The following ADAM11 variants were observed in gnomAD, a reference collection of about 807,000 sequenced individuals.
The protein encoded by ADAM11 is ADAM metallopeptidase domain 11, also known as disintegrin and metalloproteinase domain-containing protein 11.
In ADAM11, 49 loss-of-function variants were observed where a neutral mutation model predicts 119.1. The observed-to-expected ratio is 0.41, with a 90% CI of 0.33 to 0.52. The LOEUF (loss-of-function observed/expected upper bound fraction) is 0.52, where lower values mean the gene tolerates loss of function less well. ADAM11 is among the 20% of genes least tolerant of loss of function. The pLI, the probability that ADAM11 is intolerant of heterozygous loss-of-function variation, is 0.20. For missense variants in ADAM11, 777 were observed against 1,047.5 expected (o/e 0.74, Z 3.56); for synonymous variants, 364 against 408.0 (o/e 0.89, Z 1.30).
chr17:44,777,784 A>G lies in ADAM11; in HGVS notation c.1991A>G (p.His664Arg), dbSNP rs1265724576. The change falls in exon 23 of 27, where the codon CAT becomes CGT. Residue 664 changes from histidine to arginine, a missense_variant. Around this residue, in one of 4 missense-constraint regions of ADAM11, gnomAD observed 348 missense variants for 486.7 expected, o/e 0.72. Coordinates refer to ENST00000200557, the MANE Select transcript of ADAM11 (RefSeq NM_002390.6). The surrounding 1 kb of genome is among the most constrained non-coding windows in gnomAD (Gnocchi z 5.1). ...ACGPNMLCLD[H>R]RCLPASAFNF... ...GGGCCTAACATGTTGTGCCTGGACCATCGCTGCCTGCCAGCTTCTGCCTTC... is the reference window on the plus strand; with the variant it reads ...GGGCCTAACATGTTGTGCCTGGACCGTCGCTGCCTGCCAGCTTCTGCCTTC... 4.3e-6 allele frequency: 7 copies of G among 1,613,866 alleles called. No individual in the cohort carries two copies. The highest frequency in any genetic ancestry group is 5.9e-6 in the Non-Finnish European group (7 of 1,179,988).
chr17:44,778,235 G>A lies in ADAM11; in HGVS notation c.2269G>A (p.Gly757Arg). The A allele has an allele frequency of 1.2e-6, 2 of 1,612,626 alleles. No homozygotes were observed. The highest frequency in any genetic ancestry group is 8.5e-7 in the Non-Finnish European group (1 of 1,179,400). ...AAIVLGGTGWGFKNIRRGRSG... is the reference protein window; with the variant it reads ...AAIVLGGTGWRFKNIRRGRSG... ...CATCGTCCTGGGCGGCACGGGCTGG[G>A]GATTTAAGTAAGAGACACACACACC... is the stretch of plus-strand genomic sequence containing the variant. Residue 757 changes from glycine (G) to arginine (R), a missense_variant, in exon 25 of 27, where the codon GGA (glycine) becomes AGA (arginine). Gly to Arg is a moderately radical substitution (Grantham distance 125). Coordinates refer to ENST00000200557, the MANE Select transcript of ADAM11 (RefSeq NM_002390.6).
chr17:44,773,547 G>A lies in ADAM11; in HGVS notation c.992+120G>A. The A allele has an allele frequency of 2.4e-6, 3 of 1,253,530 alleles. No homozygotes were observed. The highest frequency in any genetic ancestry group is 2.2e-6 in the Non-Finnish European group (2 of 924,290). 77.7% of individuals were successfully genotyped at this position (1,253,530 alleles called of 1,614,324 possible). On this transcript the variant is annotated intron_variant, in intron 11 of 26. Coordinates refer to ENST00000200557, the MANE Select transcript of ADAM11 (RefSeq NM_002390.6). This position sits in a 1 kb window ranked among gnomAD's most constrained non-coding sequence, Gnocchi z 4.6. ...AGAGTCTGGGGACTGGGCTCACCTT[G>A]CACCTGCCACCTACCCCCAGCCACA...
Position 44,775,505 on chromosome 17 carries a change from C to T in ADAM11, c.1392+40C>T. Reference sequence around the variant, plus strand: ...GGGCGCCAGGTGGGGAACCGGGATGCGGGGGTGGGCACGAGGGAGCGTCTG... The same window carrying T: ...GGGCGCCAGGTGGGGAACCGGGATGTGGGGGTGGGCACGAGGGAGCGTCTG... On this transcript the variant is annotated intron_variant, in intron 16 of 26. Coordinates refer to ENST00000200557, the MANE Select transcript of ADAM11 (RefSeq NM_002390.6). This position sits in a 1 kb window ranked among gnomAD's most constrained non-coding sequence, Gnocchi z 7.5. 6.3e-7 allele frequency: 1 copy of T among 1,586,610 alleles called. No individual in the cohort carries two copies.
chr17:44,774,940 G>T (rs1187559026), intron 14 of ADAM11, among the ~76,000 whole-genome samples, 191 bp downstream of exon 14: 2 of 152,236 alleles, frequency 1.3e-5, no homozygotes, highest in South Asian at 2.1e-4. Flanking sequence ...ACCAAAACCG[G>T]CCAGGCTGCA....
intron 2 of ADAM11, among the ~76,000 whole-genome samples, chr17:44,760,661 G>T (rs571616421): frequency 6.6e-6 from 1 of 152,338 alleles, no homozygotes; most frequent in East Asian, 1.9e-4. Flanking sequence ...AGGTTGGCTG[G>T]CAAAGGCCCG....
At chr17:44,771,447 C>A in intron 4 of ADAM11, 137 bp from the exon 5 acceptor site, 1 of 880,884 alleles carries the variant, frequency 1.1e-6, no homozygotes, top group South Asian at 1.6e-5. Flanking sequence ...TAGAAACAGG[C>A]TCCAGAGCCC....
At chr17:44,763,261 G>T (rs2049410300) in intron 2 of ADAM11, among the ~76,000 whole-genome samples, 2 of 152,212 alleles carry the variant, frequency 1.3e-5, no homozygotes, top group Non-Finnish European at 2.9e-5. Flanking sequence ...CAGAGGTGGG[G>T]CTGTTATTCC....
chr17:44,777,451 T>A lies in ADAM11; in HGVS notation c.1782-31T>A. ...CAGTAGTTGAGTCTGAGGTCAAACT[T>A]GGGGCTCACTGTCTCTATATGCCCC... On this transcript the variant is annotated intron_variant, in intron 21 of 26. Transcript: ENST00000200557. The surrounding 1 kb of genome is among the most constrained non-coding windows in gnomAD (Gnocchi z 5.1). 6.2e-7 allele frequency: 1 copy of A among 1,610,226 alleles called. No individual in the cohort carries two copies. Among genetic ancestry groups the A allele is most frequent in the South Asian group, 1.1e-5 (1 of 90,958 alleles).
At chr17:44,764,775 C>T (rs2049427600) in intron 2 of ADAM11, among the ~76,000 whole-genome samples, 1 of 152,122 alleles carries the variant, frequency 6.6e-6, no homozygotes, top group Non-Finnish European at 1.5e-5. Flanking sequence ...GCTGCGAGGA[C>T]TTGAGATGAT....
rs2049599897 is a variant in ADAM11 at position 44,776,229 on chromosome 17, T to C, written c.1566+22T>C. 6.2e-7 allele frequency: 1 copy of C among 1,612,364 alleles called. No individual in the cohort carries two copies. The highest frequency in any genetic ancestry group is 1.7e-5 in the Admixed American group (1 of 59,840). ...CCAGGTCCGCCCGGCCCCGCCGTCT[T>C]GTGGAGCCCTGGGCGAGGCAACCCC... On this transcript the variant is annotated intron_variant, in intron 18 of 26. Coordinates refer to ENST00000200557, the MANE Select transcript of ADAM11 (RefSeq NM_002390.6). This position sits in a 1 kb window ranked among gnomAD's most constrained non-coding sequence, Gnocchi z 5.2.
intron 11 of ADAM11, 53 bp from the exon 12 acceptor site, chr17:44,774,241 CG>C: frequency 8.1e-7 from 1 of 1,240,676 alleles, no homozygotes; most frequent in Non-Finnish European, 1.1e-6. Context: ...CACCACCACC[CG>C]GGGAGCCACA....
At position 44,780,372 on chromosome 17, in the gene ADAM11, C is replaced by T. The variant is rs1567697561; in HGVS notation, c.*618C>T. The T allele has an allele frequency of 8.8e-6, 3 of 339,490 alleles. No homozygotes were observed. Among genetic ancestry groups the T allele is most frequent in the Non-Finnish European group, 1.1e-5 (2 of 176,398 alleles). The allele number at this position is 339,490 out of a possible 1,614,324, so 21.0% of individuals were successfully genotyped here. A position where few individuals can be genotyped will look rare whatever the true frequency, so the allele number is the denominator to read the frequency against. ...CTGAGCACAGTCAGGGGCTGGGCAT[C>T]CCAGCTTGCCCCCGCTTAGCCCCGC... is the stretch of plus-strand genomic sequence containing the variant. On this transcript the variant is annotated 3_prime_UTR_variant, in exon 27 of 27. Transcript: ENST00000200557.
rs1186403850 is a variant in ADAM11, at chr17:44,777,371, G to A, written c.1781+106G>A. ...CAGGAGGAGCCTGTCAGTCCCAATG[G>A]GCGGGCACGTGGCAAATGAGGTGGC... On this transcript the variant is annotated intron_variant, in intron 21 of 26. Transcript: ENST00000200557. The surrounding 1 kb of genome is among the most constrained non-coding windows in gnomAD (Gnocchi z 5.1). The A allele has an allele frequency of 2.6e-6, 4 of 1,522,786 alleles. No individual in the cohort carries two copies. The highest frequency in any genetic ancestry group is 3.6e-6 in the Non-Finnish European group (4 of 1,108,128). 94.3% of individuals were successfully genotyped at this position (1,522,786 alleles called of 1,614,324 possible).
At chr17:44,770,491 C>A (rs1327576511) in intron 4 of ADAM11, among the ~76,000 whole-genome samples, 8 of 44,784 alleles carry the variant, frequency 1.8e-4, no homozygotes, top group African/African-American at 7.9e-4. Flanking sequence ...GCCTGTCTCC[C>A]CCCCCCCCGC....
At chr17:44,774,424 G>A in intron 12 of ADAM11, 45 bp downstream of exon 12, 1 of 1,566,950 alleles carries the variant, frequency 6.4e-7, no homozygotes, top group East Asian at 2.4e-5. Context: ...TGAGGGAAAG[G>A]GGCTTCAGGG....
chr17:44,779,375 C>G, intron 26 of ADAM11, 136 bp downstream of exon 26: 1 of 1,459,208 alleles, frequency 6.9e-7, no homozygotes, highest in Non-Finnish European at 9.0e-7. Flanking sequence ...CCCCTGCTGC[C>G]AGGCTGTCCC....
rs73984069 is a variant in ADAM11, at chr17:44,773,165, C to T, written c.825+80C>T. 9.9e-5 allele frequency: 158 copies of T among 1,597,652 alleles called. No homozygotes were observed. The African/African-American group carries it at 1.6e-3, about 16-fold the overall frequency. On this transcript the variant is annotated intron_variant, in intron 10 of 26. Transcript: ENST00000200557. The surrounding 1 kb of genome is among the most constrained non-coding windows in gnomAD (Gnocchi z 4.6). ...CACACATTAGGGGGCACTGTCAGCCCCTGGCTCCCACTTCCTGGAGAGAAC... is the reference window on the plus strand; with the variant it reads ...CACACATTAGGGGGCACTGTCAGCCTCTGGCTCCCACTTCCTGGAGAGAAC...
chr17:44,768,957 T>TG (rs2049484334), intron 2 of ADAM11, among the ~76,000 whole-genome samples: 2 of 152,166 alleles, frequency 1.3e-5, no homozygotes, highest in Admixed American at 1.3e-4. Flanking sequence ...CGCCCAGGCC[T>TG]GGGGGGCCGC....
rs2049671695 is a variant in ADAM11 at position 44,780,082 on chromosome 17, GCAGC to G, written c.*331_*334del. 3.1e-6 allele frequency: 2 copies of G among 654,408 alleles called. No individual in the cohort carries two copies. The highest frequency in any genetic ancestry group is 5.7e-6 in the Non-Finnish European group (2 of 353,364). The allele number at this position is 654,408 out of a possible 1,614,324, so 40.5% of individuals were successfully genotyped here. A position where few individuals can be genotyped will look rare whatever the true frequency, so the allele number is the denominator to read the frequency against. ...GGGGCGCCTGGAGGGATGCCCCCAG[GCAGC>G]CACCAGTGGACCTAGCCTGGATGGC... On this transcript the variant is annotated 3_prime_UTR_variant, in exon 27 of 27. Transcript: ENST00000200557.
Sources: gnomAD v4.1 joint callset for allele counts (sites outside exome capture counted in the v4.1 genomes callset) on GRCh38, gnomAD v4.1.1 for gene constraint, gnomAD v4.1.1 regional missense constraint, Gnocchi (gnomAD v3.1) non-coding constraint, MANE v1.5 for transcripts, NCBI Gene and HGNC (gene_info 2026-07-23, HGNC 2026-07-21) for gene names.